The following C1QTNF2 variants were observed in gnomAD, a reference collection of about 807,000 sequenced individuals.
C1QTNF2 encodes C1q and TNF related 2.
A neutral mutation model predicts 17.4 loss-of-function variants in C1QTNF2; 15 were observed. The observed-to-expected ratio is 0.86, with a 90% CI of 0.58 to 1.33. C1QTNF2 has a LOEUF of 1.33. Ranked by LOEUF, C1QTNF2 falls within the 40% of genes most tolerant of loss-of-function variation. The probability of loss-of-function intolerance (pLI) is 0.00; values close to 1 mark genes in which losing one functional copy is unlikely to be tolerated. For missense variants in C1QTNF2, 381 were observed against 392.3 expected, an observed-to-expected ratio of 0.97 and a Z score of 0.24; for synonymous variants, 154 against 163.3, an observed-to-expected ratio of 0.94 and a Z score of 0.44.
intron 1 of C1QTNF2, among the ~76,000 whole-genome samples, chr5:160,368,240 A>G (rs1665376329): frequency 6.6e-6 from 1 of 152,228 alleles, no homozygotes; most frequent in African/African-American, 2.4e-5. Context: ...TTTCAAAAGA[A>G]AAGCTAGAAT....
chr5:160,353,771 C>T (rs1244795362), intron 2 of C1QTNF2, among the ~76,000 whole-genome samples: 1 of 135,214 alleles, frequency 7.4e-6, no homozygotes, highest in Non-Finnish European at 1.5e-5. Flanking sequence ...TGGAGCTTGG[C>T]TCTTGGACTT....
chr5:160,349,147 T>C lies in C1QTNF2; in HGVS notation c.*21A>G. On this transcript the variant is annotated 3_prime_UTR_variant, in exon 3 of 3. Transcript: ENST00000652664. This position sits in a 1 kb window ranked among gnomAD's most constrained non-coding sequence, Gnocchi z 4.3. ...CAAGTCCAGAAGCTTGTTCCCTGCC[T>C]GGAGGACCGCCGTGGCATGTCTATA... is the stretch of plus-strand genomic sequence containing the variant. The C allele has an allele frequency of 6.3e-7, 1 of 1,591,728 alleles. No individual in the cohort carries two copies. Among genetic ancestry groups the C allele is most frequent in the Non-Finnish European group, 8.6e-7 (1 of 1,167,436 alleles).
At chr5:160,366,902 T>C (rs1261357016) in intron 1 of C1QTNF2, among the ~76,000 whole-genome samples, 2 of 151,394 alleles carry the variant, frequency 1.3e-5, no homozygotes, top group African/African-American at 4.9e-5. Flanking sequence ...TGCATGCCTG[T>C]AGTCCCAATT....
At chr5:160,362,278 G>T (rs953862937) in intron 1 of C1QTNF2, among the ~76,000 whole-genome samples, 1 of 152,166 alleles carries the variant, frequency 6.6e-6, no homozygotes, top group Non-Finnish European at 1.5e-5. Flanking sequence ...GCTGATTCAT[G>T]TACTCAATCA....
At chr5:160,368,691 T>A (rs992370984) in intron 1 of C1QTNF2, among the ~76,000 whole-genome samples, 12 of 152,142 alleles carry the variant, frequency 7.9e-5, no homozygotes, top group African/African-American at 1.2e-4. Context: ...AGAGAGACTC[T>A]GTTACCCCAC....
chr5:160,367,614 A>G (rs946900512), intron 1 of C1QTNF2, among the ~76,000 whole-genome samples: 1 of 152,158 alleles, frequency 6.6e-6, no homozygotes, highest in East Asian at 1.9e-4. Context: ...CTCAGAAGAA[A>G]CCAACACTGC....
At chr5:160,369,829 C>G (rs896041339) in intron 1 of C1QTNF2, among the ~76,000 whole-genome samples, 7 of 152,124 alleles carry the variant, frequency 4.6e-5, no homozygotes, top group African/African-American at 1.4e-4. Flanking sequence ...AATGGGGCAG[C>G]AGCAGTGGGG....
At chr5:160,364,014 G>T (rs1252809983) in intron 1 of C1QTNF2, among the ~76,000 whole-genome samples, 1 of 152,194 alleles carries the variant, frequency 6.6e-6, no homozygotes, top group Non-Finnish European at 1.5e-5. Flanking sequence ...GTGTCAGTTT[G>T]TCTTGTAGTC....
chr5:160,354,708 C>G (rs1764006945), intron 2 of C1QTNF2, 60 bp downstream of exon 2: 1 of 1,600,922 alleles, frequency 6.2e-7, no homozygotes, highest in Non-Finnish European at 8.5e-7. Flanking sequence ...CATGATGCCC[C>G]CCACATGCCG....
intron 1 of C1QTNF2, among the ~76,000 whole-genome samples, chr5:160,367,332 C>A (rs867636082): frequency 6.6e-6 from 1 of 152,240 alleles, no homozygotes; most frequent in Non-Finnish European, 1.5e-5. Flanking sequence ...CAACAGGTAG[C>A]TGCCCCTTGA....
Position 160,349,930 on chromosome 5 carries a change from A to AATCCT in C1QTNF2, c.245-154_245-150dup. The AATCCT allele has an allele frequency of 1.1e-6, 1 of 881,258 alleles. No homozygotes were observed. Among genetic ancestry groups the AATCCT allele is most frequent in the Non-Finnish European group, 1.6e-6 (1 of 612,430 alleles). 54.6% of individuals were successfully genotyped at this position (881,258 alleles called of 1,614,324 possible). On this transcript the variant is annotated intron_variant, in intron 2 of 2. Coordinates refer to ENST00000652664, the MANE Select transcript of C1QTNF2 (RefSeq NM_031908.6). The surrounding 1 kb of genome is among the most constrained non-coding windows in gnomAD (Gnocchi z 4.3). ...TTGCAGACATATAGAAGTGGGTGTAAATCCTAATGCTAGCTCTCTGGAAAA... is the reference window on the plus strand; with the variant it reads ...TTGCAGACATATAGAAGTGGGTGTAAATCCTATCCTAATGCTAGCTCTCTGGAAAA...
chr5:160,351,840 A>G (rs183197283), intron 2 of C1QTNF2, among the ~76,000 whole-genome samples: 2 of 152,088 alleles, frequency 1.3e-5, no homozygotes, highest in Admixed American at 6.6e-5. Context: ...TCACAAAGCT[A>G]TTTCTTGAAA....
chr5:160,349,052 C>A lies in C1QTNF2; in HGVS notation c.*116G>T. On this transcript the variant is annotated 3_prime_UTR_variant, in exon 3 of 3. Transcript: ENST00000652664. The surrounding 1 kb of genome is among the most constrained non-coding windows in gnomAD (Gnocchi z 4.3). ...GAAAAAAAGAGGCAGAGGAGGTGAG[C>A]CTGAGGCTAGAACCGCTCACTCGAC... 2.3e-6 allele frequency: 3 copies of A among 1,299,816 alleles called. No individual in the cohort carries two copies. Among genetic ancestry groups the A allele is most frequent in the Non-Finnish European group, 3.2e-6 (3 of 951,070 alleles). 80.5% of individuals were successfully genotyped at this position (1,299,816 alleles called of 1,614,324 possible).
At chr5:160,369,349 G>C (rs1376228762) in intron 1 of C1QTNF2, among the ~76,000 whole-genome samples, 1 of 152,208 alleles carries the variant, frequency 6.6e-6, no homozygotes, top group Non-Finnish European at 1.5e-5. Context: ...AGACATTTGG[G>C]AGGAAACAAA....
intron 1 of C1QTNF2, among the ~76,000 whole-genome samples, chr5:160,357,338 G>A (rs1030663516): frequency 8.5e-5 from 13 of 152,192 alleles, no homozygotes; most frequent in African/African-American, 2.9e-4. Context: ...GGGAGGGGTA[G>A]GCAAAAATAA....
chr5:160,367,021 C>CAA (rs71285021), intron 1 of C1QTNF2, among the ~76,000 whole-genome samples: 2,440 of 87,220 alleles, frequency 0.028, 75 homozygotes, highest in African/African-American at 0.076. Context: ...AAGACATTGT[C>CAA]AAAAAAAAAA....
chr5:160,365,824 T>C (rs529659620), intron 1 of C1QTNF2, among the ~76,000 whole-genome samples: 5 of 152,340 alleles, frequency 3.3e-5, no homozygotes, highest in African/African-American at 1.2e-4. Context: ...AAGTTAAAAG[T>C]TGTCAAAAAT....
In C1QTNF2 at chr5:160,354,994, G is replaced by C. The variant is rs377762554; in HGVS notation, c.18C>G (p.Leu6=). 2.5e-6 allele frequency: 4 copies of C among 1,580,422 alleles called. No homozygotes were observed. The highest frequency in any genetic ancestry group is 3.4e-6 in the Non-Finnish European group (4 of 1,164,718). MIPWV[L]LACALPCAAD... is the part of the protein sequence containing the mutation. ...CAGCACAGGGGAGGGCACAGGCCAG[G>C]AGCACCCAGGGGATCATGGTGGTTA... The change falls in exon 2 of 3, where the codon CTC becomes CTG. Residue 6 remains leucine (L), a synonymous_variant. Transcript: ENST00000652664.
intron 1 of C1QTNF2, among the ~76,000 whole-genome samples, chr5:160,367,961 A>T (rs548224275): frequency 2.6e-5 from 4 of 152,348 alleles, no homozygotes; most frequent in Middle Eastern, 3.4e-3. Flanking sequence ...TGATACTGTC[A>T]TCTCCACTTG....
Sources: allele counts gnomAD v4.1 joint callset (sites outside exome capture counted in the v4.1 genomes callset), GRCh38; gene constraint gnomAD v4.1.1; non-coding constraint Gnocchi (gnomAD v3.1); transcripts MANE v1.5; gene names NCBI Gene and HGNC (gene_info 2026-07-23, HGNC 2026-07-21).